NECAB1: variants seen among roughly 807,000 people sequenced by gnomAD.
NECAB1 encodes the protein N-terminal EF-hand calcium binding protein 1, also known as N-terminal EF-hand calcium-binding protein 1.
In NECAB1, 29 loss-of-function variants were observed where a neutral mutation model predicts 57.5. The observed-to-expected ratio is 0.50, with a 90% CI of 0.38 to 0.69. The LOEUF (loss-of-function observed/expected upper bound fraction) is 0.69, where lower values mean the gene tolerates loss of function less well. Among genes scored for constraint, NECAB1 ranks in the 30% least tolerant of loss-of-function variants. The pLI is 0.00. For synonymous variants in NECAB1, 142 were observed against 147.7 expected (o/e 0.96, Z 0.28); for missense variants, 372 against 413.8 (o/e 0.90, Z 0.88).
chr8:90,943,445 TGGA>T, intron 10 of NECAB1, among the ~76,000 whole-genome samples: 2 of 152,196 alleles, frequency 1.3e-5, no homozygotes, highest in Admixed American at 1.3e-4. Flanking sequence ...TACACCCATA[TGGA>T]ATATATATGG....
At chr8:90,814,260 A>C (rs1463960302) in intron 2 of NECAB1, among the ~76,000 whole-genome samples, 2 of 152,224 alleles carry the variant, frequency 1.3e-5, no homozygotes, top group African/African-American at 2.4e-5. Context: ...CACAGAGGTA[A>C]AATGCCATTA....
chr8:90,922,486 ATTTT>A (rs577951495), intron 6 of NECAB1, among the ~76,000 whole-genome samples: 16 of 57,508 alleles, frequency 2.8e-4, no homozygotes, highest in South Asian at 2.2e-3. Flanking sequence ...AAAAACTTGG[ATTTT>A]TTTTTTTTTT....
chr8:90,879,379 G>C lies in NECAB1; in HGVS notation c.260-1654G>C, dbSNP rs150573300. Among the ~76,000 whole-genome samples the C allele has an allele frequency of 4.1e-3, 625 of 151,210 alleles. 3 individuals carry two copies. The highest frequency in any genetic ancestry group is 0.014 in the African/African-American group (572 of 41,206). ...GCCCAGGCTGGTCACGAATTCCTGG[G>C]CTCAAGTGATCCTTCTGCCTTAGCT... On this transcript the variant is annotated intron_variant, in intron 4 of 12. Transcript: ENST00000417640.
intron 5 of NECAB1, among the ~76,000 whole-genome samples, chr8:90,892,756 T>C (rs936991727): frequency 6.6e-6 from 1 of 152,200 alleles, no homozygotes; most frequent in African/African-American, 2.4e-5. Context: ...TCATCCAGTG[T>C]TGTCTACAGA....
At chr8:90,904,367 T>C (rs537456490) in intron 5 of NECAB1, among the ~76,000 whole-genome samples, 1 of 151,626 alleles carries the variant, frequency 6.6e-6, no homozygotes, top group Non-Finnish European at 1.5e-5. Context: ...TATATAAATA[T>C]ATGTGGGATT....
intron 3 of NECAB1, among the ~76,000 whole-genome samples, chr8:90,871,894 T>C (rs1193267568): frequency 6.6e-6 from 1 of 152,148 alleles, no homozygotes; most frequent in Non-Finnish European, 1.5e-5. Flanking sequence ...TTCCCCATCA[T>C]GTTGCAGAGG....
At chr8:90,792,817 GTT>G (rs1811597769) in intron 1 of NECAB1, among the ~76,000 whole-genome samples, 2 of 151,942 alleles carry the variant, frequency 1.3e-5, no homozygotes, top group Admixed American at 6.6e-5. Flanking sequence ...TGCTGTTTCT[GTT>G]TTCTCTATTT....
intron 2 of NECAB1, among the ~76,000 whole-genome samples, chr8:90,817,855 G>A (rs181092659): frequency 2.7e-4 from 41 of 151,822 alleles, no homozygotes; most frequent in Admixed American, 1.8e-3. Flanking sequence ...TTATGCTTCA[G>A]TTTTCTGAAA....
At position 90,947,351 on chromosome 8, in the gene NECAB1, C is replaced by CACACACACACACACACACACACAG. The variant is rs1342952213; in HGVS notation, c.861-2455_861-2454insCACACACACACACACACACACAGA. On this transcript the variant is annotated intron_variant, in intron 10 of 12. Coordinates refer to ENST00000417640, the MANE Select transcript of NECAB1 (RefSeq NM_022351.5). The stretch of plus-strand genomic sequence containing the variant: ...ACACACACACACACACACACACACA[C>CACACACACACACACACACACACAG]AATAAGCCAAGTACTGAGTTAAGAA... Among the ~76,000 whole-genome samples, 84 of 125,240 alleles carry CACACACACACACACACACACACAG rather than the reference C, an allele frequency of 6.7e-4. 2 individuals are homozygous for CACACACACACACACACACACACAG. Among genetic ancestry groups the CACACACACACACACACACACACAG allele is most frequent in the East Asian group, 1.6e-3 (6 of 3,808 alleles). The allele number at this position is 125,240 out of a possible 152,430, so 82.2% of individuals were successfully genotyped here. A position where few individuals can be genotyped will look rare whatever the true frequency, so the allele number is the denominator to read the frequency against.
At position 90,824,709 on chromosome 8, in the gene NECAB1, C is replaced by A; in HGVS notation, c.125-8C>A. ...ATAATTTGTGTCTCTTTGTTCTTGC[C>A]ATTTCAGATGATGGAAAATTATCCT... is the stretch of plus-strand genomic sequence containing the variant. On this transcript the variant is annotated splice_polypyrimidine_tract_variant and splice_region_variant and intron_variant, in intron 2 of 12. Coordinates refer to ENST00000417640, the MANE Select transcript of NECAB1 (RefSeq NM_022351.5). 2.7e-6 allele frequency: 4 copies of A among 1,489,478 alleles called. No homozygotes were observed. Among genetic ancestry groups the A allele is most frequent in the Non-Finnish European group, 3.6e-6 (4 of 1,100,476 alleles). The allele number at this position is 1,489,478 out of a possible 1,614,324, so 92.3% of individuals were successfully genotyped here.
intron 3 of NECAB1, among the ~76,000 whole-genome samples, chr8:90,828,522 C>G (rs1812258810): frequency 6.6e-6 from 1 of 152,006 alleles, no homozygotes; most frequent in African/African-American, 2.4e-5. Flanking sequence ...GTATTAGAAT[C>G]CTTGTATAGT....
chr8:90,844,754 T>C (rs1308420576), intron 3 of NECAB1, among the ~76,000 whole-genome samples: 1 of 151,018 alleles, frequency 6.6e-6, no homozygotes, highest in South Asian at 2.1e-4. Flanking sequence ...AGTTGGGAGA[T>C]GAAAAGGCTT....
At chr8:90,816,828 A>G (rs775794674) in intron 2 of NECAB1, among the ~76,000 whole-genome samples, 4 of 151,660 alleles carry the variant, frequency 2.6e-5, no homozygotes, top group African/African-American at 4.8e-5. Flanking sequence ...TTTGGAATCA[A>G]TTTTTAAACA....
chr8:90,804,602 A>G (rs2129651144), intron 2 of NECAB1, among the ~76,000 whole-genome samples: 1 of 152,326 alleles, frequency 6.6e-6, no homozygotes. Flanking sequence ...AAAAATCATA[A>G]CATCACTTTT....
At chr8:90,861,502 G>A (rs1385390484) in intron 3 of NECAB1, among the ~76,000 whole-genome samples, 1 of 152,092 alleles carries the variant, frequency 6.6e-6, no homozygotes, top group Non-Finnish European at 1.5e-5. Flanking sequence ...GTCCTCTCCT[G>A]ATGAAAAGTA....
intron 5 of NECAB1, among the ~76,000 whole-genome samples, chr8:90,904,492 C>A (rs1809587140): frequency 6.6e-6 from 1 of 151,492 alleles, no homozygotes; most frequent in South Asian, 2.1e-4. Context: ...ATCAGGAAAC[C>A]AGTTTTACGG....
intron 6 of NECAB1, among the ~76,000 whole-genome samples, chr8:90,924,820 C>G (rs955834120): frequency 2.0e-5 from 3 of 151,960 alleles, no homozygotes; most frequent in African/African-American, 7.2e-5. Context: ...TTGGCCTGAG[C>G]TTTTCATATT....
intron 4 of NECAB1, among the ~76,000 whole-genome samples, chr8:90,874,084 G>A (rs1808668268): frequency 6.6e-6 from 1 of 152,142 alleles, no homozygotes; most frequent in Non-Finnish European, 1.5e-5. Context: ...TTAATCTCCA[G>A]AGTGTCATTT....
At chr8:90,890,614 A>G (rs1809138895) in intron 5 of NECAB1, among the ~76,000 whole-genome samples, 1 of 152,202 alleles carries the variant, frequency 6.6e-6, no homozygotes. Flanking sequence ...TAACAAGATG[A>G]AAAATACATT....
Sources: gnomAD v4.1 joint callset for allele counts (sites outside exome capture counted in the v4.1 genomes callset) on GRCh38, gnomAD v4.1.1 for gene constraint, MANE v1.5 for transcripts, NCBI Gene and HGNC (gene_info 2026-07-23, HGNC 2026-07-21) for gene names.